WDR17: variants seen among roughly 807,000 people sequenced by gnomAD.
WDR17 encodes WD repeat domain 17.
Under a neutral mutation model 161.7 loss-of-function variants are expected in WDR17, and 143 were observed. The ratio of observed to expected loss-of-function variants is 0.88; its 90% CI spans 0.77 to 1.02. The LOEUF (loss-of-function observed/expected upper bound fraction) is 1.02. Among genes scored for constraint, WDR17 ranks in the 50% least tolerant of loss-of-function variants. The pLI, the probability that WDR17 is intolerant of heterozygous loss-of-function variation, is 0.00. For synonymous variants in WDR17, 517 were observed against 515.6 expected (o/e 1.00, Z -0.04); for missense variants, 1,469 against 1,520.9 (o/e 0.97, Z 0.57).
intron 1 of WDR17, among the ~76,000 whole-genome samples, chr4:176,080,076 T>C (rs1734546578): frequency 6.6e-6 from 1 of 151,842 alleles, no homozygotes; most frequent in East Asian, 1.9e-4. Flanking sequence ...ACACATGAAA[T>C]GTAGGGGATG....
At chr4:176,127,353 T>G (rs1249737432) in intron 5 of WDR17, among the ~76,000 whole-genome samples, 1 of 151,690 alleles carries the variant, frequency 6.6e-6, no homozygotes, top group Non-Finnish European at 1.5e-5. Flanking sequence ...AGTGCAGTGG[T>G]GCAATCTTGG....
chr4:176,106,734 A>C (rs542239350), intron 1 of WDR17, among the ~76,000 whole-genome samples: 74 of 152,322 alleles, frequency 4.9e-4, no homozygotes, highest in Non-Finnish European at 8.7e-4. Flanking sequence ...CAGGATGATC[A>C]CTTGAGGCCA....
intron 1 of WDR17, among the ~76,000 whole-genome samples, chr4:176,090,458 A>G (rs892278775): frequency 9.2e-5 from 14 of 152,106 alleles, no homozygotes; most frequent in Admixed American, 2.0e-4. Flanking sequence ...TCTTTTCTTT[A>G]TAAATTACCC....
chr4:176,152,560 C>G (rs13103464), intron 17 of WDR17, among the ~76,000 whole-genome samples: 3 of 115,084 alleles, frequency 2.6e-5, no homozygotes, highest in Non-Finnish European at 4.9e-5. Flanking sequence ...GAGCCGAGAT[C>G]GTGCCACTGT....
At chr4:176,152,100 A>T (rs1169541912) in intron 17 of WDR17, 133 bp downstream of exon 17, 1 of 815,942 alleles carries the variant, frequency 1.2e-6, no homozygotes, top group African/African-American at 1.8e-5. Context: ...ACTTGAGCCC[A>T]GGAGTTCGAT....
At chr4:176,137,485 C>T in intron 8 of WDR17, 35 bp from the exon 9 acceptor site, 1 of 1,513,974 alleles carries the variant, frequency 6.6e-7, no homozygotes. Context: ...TTGTGGGAAA[C>T]ATTTAGTATA....
At chr4:176,091,042 C>T (rs879378499) in intron 1 of WDR17, among the ~76,000 whole-genome samples, 20 of 152,144 alleles carry the variant, frequency 1.3e-4, no homozygotes, top group Non-Finnish European at 2.4e-4. Flanking sequence ...AACCTCCCAG[C>T]GTGGGCATCA....
At chr4:176,161,620 G>A (rs1749049458) in intron 20 of WDR17, among the ~76,000 whole-genome samples, 1 of 152,146 alleles carries the variant, frequency 6.6e-6, no homozygotes, top group Non-Finnish European at 1.5e-5. Flanking sequence ...ATCATGAAAT[G>A]TTAAGCAAAT....
At chr4:176,088,727 C>A (rs1203736418) in intron 1 of WDR17, among the ~76,000 whole-genome samples, 1 of 152,126 alleles carries the variant, frequency 6.6e-6, no homozygotes, top group African/African-American at 2.4e-5. Context: ...TTCTTTGGAT[C>A]CCAAACACAT....
At chr4:176,077,852 A>G (rs1734250147) in intron 1 of WDR17, among the ~76,000 whole-genome samples, 1 of 152,062 alleles carries the variant, frequency 6.6e-6, no homozygotes, top group African/African-American at 2.4e-5. Flanking sequence ...AACTTATATT[A>G]TCTCTGATTT....
Position 176,160,822 on chromosome 4 carries a change from T to G in WDR17, c.2659-89T>G, listed in dbSNP as rs1241564917. 4 of 1,044,252 alleles carry G rather than the reference T, an allele frequency of 3.8e-6. No homozygotes were observed. In the African/African-American group the frequency reaches 6.4e-5, roughly 17 times the overall value. 64.7% of individuals were successfully genotyped at this position (1,044,252 alleles called of 1,614,324 possible). ...TATAGTATAAATTTCAAACATTATT[T>G]AAGTATACTTTGCTCAAAATCATAT... On this transcript the variant is annotated intron_variant, in intron 19 of 28. Coordinates refer to ENST00000508596, the MANE Select transcript of WDR17 (RefSeq NM_181265.4).
At chr4:176,177,208 G>A (rs974169579) in intron 27 of WDR17, 52 bp downstream of exon 27, 14 of 1,488,676 alleles carry the variant, frequency 9.4e-6, no homozygotes, top group Non-Finnish European at 1.3e-5. Flanking sequence ...TGATGTTATA[G>A]ACAAACTTGT....
chr4:176,093,252 C>G (rs769973490), intron 1 of WDR17, among the ~76,000 whole-genome samples: 1 of 151,300 alleles, frequency 6.6e-6, no homozygotes, highest in East Asian at 2.0e-4. Flanking sequence ...GTTAAAATGT[C>G]TGTACTACCC....
At chr4:176,134,121 G>C (rs1743994500) in intron 7 of WDR17, among the ~76,000 whole-genome samples, 1 of 151,658 alleles carries the variant, frequency 6.6e-6, no homozygotes, top group South Asian at 2.1e-4. Flanking sequence ...TAACCCTTGA[G>C]ATTTTTCTTT....
At chr4:176,173,898 T>C (rs1415310905) in intron 25 of WDR17, among the ~76,000 whole-genome samples, 1 of 151,200 alleles carries the variant, frequency 6.6e-6, no homozygotes, top group Non-Finnish European at 1.5e-5. Context: ...TAATAATATC[T>C]AGTATGTGTA....
At chr4:176,104,619 A>T (rs190469385) in intron 1 of WDR17, among the ~76,000 whole-genome samples, 1 of 152,146 alleles carries the variant, frequency 6.6e-6, no homozygotes, top group Admixed American at 6.5e-5. Flanking sequence ...AGTTTTAAAG[A>T]AGCTGAGGTT....
chr4:176,130,515 C>A (rs569020311), intron 6 of WDR17, among the ~76,000 whole-genome samples: 5 of 152,022 alleles, frequency 3.3e-5, no homozygotes, highest in Non-Finnish European at 7.4e-5. Flanking sequence ...GAGGCCAAGG[C>A]GGGCAGATCA....
intron 1 of WDR17, among the ~76,000 whole-genome samples, chr4:176,083,066 TTAACTTAGAAGTCTA>T (rs1459599235): frequency 2.0e-5 from 3 of 152,166 alleles, no homozygotes; most frequent in Non-Finnish European, 2.9e-5. Context: ...TAAATAGCAA[TTAACTTAGAAGTCTA>T]TTTTTTCCTC....
intron 17 of WDR17, among the ~76,000 whole-genome samples, chr4:176,153,146 C>T (rs1747502107): frequency 6.6e-6 from 1 of 152,118 alleles, no homozygotes; most frequent in Non-Finnish European, 1.5e-5. Flanking sequence ...ATAAGCCCTC[C>T]ATGTTATTCT....
Sources: allele counts gnomAD v4.1 joint callset (sites outside exome capture counted in the v4.1 genomes callset), GRCh38; gene constraint gnomAD v4.1.1; transcripts MANE v1.5; gene names NCBI Gene and HGNC (gene_info 2026-07-23, HGNC 2026-07-21).